MAPK9: variants seen among roughly 807,000 people sequenced by gnomAD.
The protein encoded by MAPK9 is Jun kinase.
MAPK9 carries 30 observed loss-of-function variants against 57.1 expected under a neutral mutation model. The observed-to-expected ratio is 0.53, with a 90% CI of 0.39 to 0.71. The LOEUF (loss-of-function observed/expected upper bound fraction) is 0.71, where lower values mean the gene tolerates loss of function less well. Among genes scored for constraint, MAPK9 ranks in the 30% least tolerant of loss-of-function variants. The pLI, the probability that MAPK9 is intolerant of heterozygous loss-of-function variation, is 0.00. For synonymous variants in MAPK9, 155 were observed against 177.0 expected, an observed-to-expected ratio of 0.88 and a Z score of 0.99; for missense variants, 362 against 521.0, an observed-to-expected ratio of 0.69 and a Z score of 2.97.
At chr5:180,268,751 C>T (rs1046684558) in intron 3 of MAPK9, among the ~76,000 whole-genome samples, 2 of 150,964 alleles carry the variant, frequency 1.3e-5, no homozygotes, top group Non-Finnish European at 2.9e-5. Context: ...GGCATGAACC[C>T]GGGAGGTGGA....
intron 10 of MAPK9, among the ~76,000 whole-genome samples, chr5:180,238,915 A>C (rs1757423381): frequency 1.3e-5 from 2 of 152,146 alleles, no homozygotes; most frequent in Non-Finnish European, 2.9e-5. Context: ...GGACTACATT[A>C]CATCTTTTTC....
chr5:180,270,868 A>AAAAAAAG (rs1466941482), intron 2 of MAPK9, among the ~76,000 whole-genome samples: 2,446 of 137,322 alleles, frequency 0.018, 121 homozygotes, highest in African/African-American at 0.072. Flanking sequence ...CAAAAAAAAA[A>AAAAAAAG]AAAAAGAAAA....
chr5:180,262,272 A>C (rs890404214), intron 4 of MAPK9, among the ~76,000 whole-genome samples: 1 of 152,056 alleles, frequency 6.6e-6, no homozygotes, highest in African/African-American at 2.4e-5. Flanking sequence ...TTGCTCTACA[A>C]TATATACGTT....
rs940277001 is a variant in MAPK9 at position 180,235,746 on chromosome 5, C to T, written c.*638G>A. 13 of 152,178 alleles carry T rather than the reference C, an allele frequency of 8.5e-5. No homozygotes were observed. Among genetic ancestry groups the T allele is most frequent in the Admixed American group, 3.3e-4 (5 of 15,294 alleles). 9.4% of individuals were successfully genotyped at this position (152,178 alleles called of 1,614,324 possible). On this transcript the variant is annotated 3_prime_UTR_variant, in exon 12 of 12. Transcript: ENST00000452135. ...TCCACATAAGTGTCTTGGTTTTAGCCGTGATAATTCTCAGCCCCAAACATC... is the reference window on the plus strand; with the variant it reads ...TCCACATAAGTGTCTTGGTTTTAGCTGTGATAATTCTCAGCCCCAAACATC...
chr5:180,236,635 A>G (rs1757195080), intron 11 of MAPK9, 109 bp from the exon 12 acceptor site: 10 of 1,197,960 alleles, frequency 8.3e-6, no homozygotes, highest in East Asian at 2.5e-5. Flanking sequence ...CAGTTTCCCA[A>G]TCCTAACTAT....
At chr5:180,282,814 G>A (rs947832232) in intron 1 of MAPK9, among the ~76,000 whole-genome samples, 3 of 152,154 alleles carry the variant, frequency 2.0e-5, no homozygotes, top group African/African-American at 4.8e-5. Flanking sequence ...CAGGACACTC[G>A]CCTGCCCTCA....
At chr5:180,254,679 AC>A (rs1257276593) in intron 5 of MAPK9, among the ~76,000 whole-genome samples, 6 of 152,148 alleles carry the variant, frequency 3.9e-5, no homozygotes, top group Non-Finnish European at 8.8e-5. Flanking sequence ...GGAATAAATA[AC>A]TGAGTTTAAA....
intron 3 of MAPK9, among the ~76,000 whole-genome samples, chr5:180,266,225 T>C (rs774495256): frequency 6.6e-6 from 1 of 151,612 alleles, no homozygotes; most frequent in Non-Finnish European, 1.5e-5. Context: ...AAATAAAATA[T>C]CATTTATTTA....
At chr5:180,245,524 C>T (rs1017816525) in intron 7 of MAPK9, among the ~76,000 whole-genome samples, 3 of 152,130 alleles carry the variant, frequency 2.0e-5, no homozygotes, top group Admixed American at 1.3e-4. Context: ...ACAGATTCCC[C>T]GAGAGGACTC....
intron 3 of MAPK9, among the ~76,000 whole-genome samples, chr5:180,266,451 A>G (rs190716665): frequency 0.015 from 2,229 of 151,794 alleles, 27 homozygotes; most frequent in South Asian, 0.043. Flanking sequence ...ATGAGCTGGG[A>G]TTACAGGCGC....
intron 1 of MAPK9, among the ~76,000 whole-genome samples, chr5:180,291,431 C>T (rs1763223015): frequency 6.6e-6 from 1 of 152,226 alleles, no homozygotes; most frequent in Non-Finnish European, 1.5e-5. Flanking sequence ...ATTCACACAG[C>T]CTGACAACAA....
At chr5:180,278,142 A>G (rs1368655446) in intron 2 of MAPK9, among the ~76,000 whole-genome samples, 1 of 152,370 alleles carries the variant, frequency 6.6e-6, no homozygotes, top group East Asian at 1.9e-4. Context: ...TCAAAGTATC[A>G]GTGGTTCAAA....
chr5:180,280,679 G>C (rs1287398591), intron 1 of MAPK9, 71 bp from the exon 2 acceptor site: 1 of 1,216,972 alleles, frequency 8.2e-7, no homozygotes, highest in Non-Finnish European at 1.1e-6. Flanking sequence ...AGAGAGTTCT[G>C]AACTTATTGG....
rs1009923810 is a variant in MAPK9 at position 180,291,955 on chromosome 5, C to T, written c.-155G>A. On this transcript the variant is annotated 5_prime_UTR_variant, in exon 1 of 12. Transcript: ENST00000452135. ...GGCCCCGGCTCCGCCGCCGGCCCGC[C>T]CCGCTCCGCTCCGCCCCGCCGCCGC... 5.6e-5 allele frequency: 8 copies of T among 142,960 alleles called. 1 individual carries two copies. The South Asian group carries it at 1.5e-3, about 26-fold the overall frequency. The allele number at this position is 142,960 out of a possible 1,614,324, so 8.9% of individuals were successfully genotyped here. A position where few individuals can be genotyped will look rare whatever the true frequency, so the allele number is the denominator to read the frequency against.
intron 3 of MAPK9, among the ~76,000 whole-genome samples, chr5:180,269,026 C>G (rs1008925722): frequency 3.0e-4 from 45 of 151,746 alleles, no homozygotes; most frequent in African/African-American, 1.0e-3. Flanking sequence ...GTAGTCCCAG[C>G]TACTTGGGAG....
chr5:180,284,272 G>A (rs941749758), intron 1 of MAPK9, among the ~76,000 whole-genome samples: 2 of 152,178 alleles, frequency 1.3e-5, no homozygotes, highest in South Asian at 2.1e-4. Flanking sequence ...CACACCAGCC[G>A]GTGCTGGTTC....
At chr5:180,264,466 C>T (rs1386061913) in intron 4 of MAPK9, among the ~76,000 whole-genome samples, 1 of 152,208 alleles carries the variant, frequency 6.6e-6, no homozygotes, top group African/African-American at 2.4e-5. Flanking sequence ...AACTCCTGAA[C>T]CCTAAAATCC....
At chr5:180,265,663 C>T (rs1403267791) in intron 3 of MAPK9, among the ~76,000 whole-genome samples, 1 of 152,198 alleles carries the variant, frequency 6.6e-6, no homozygotes, top group Non-Finnish European at 1.5e-5. Flanking sequence ...TTGGGTATCT[C>T]TTTATGGCAG....
chr5:180,253,173 G>A (rs1262873986), intron 5 of MAPK9, among the ~76,000 whole-genome samples: 5 of 152,314 alleles, frequency 3.3e-5, no homozygotes, highest in Admixed American at 6.5e-5. Context: ...GTGTGACACC[G>A]GAGGCCCTCA....
Sources: allele counts gnomAD v4.1 joint callset (sites outside exome capture counted in the v4.1 genomes callset), GRCh38; gene constraint gnomAD v4.1.1; transcripts MANE v1.5; gene names NCBI Gene and HGNC (gene_info 2026-07-23, HGNC 2026-07-21).